The following ATP1A4 variants were observed in gnomAD, a reference collection of about 807,000 sequenced individuals.
ATP1A4 encodes the protein ATPase Na+/K+ transporting subunit alpha 4.
Under a neutral mutation model 114.3 loss-of-function variants are expected in ATP1A4, and 90 were observed. The ratio of observed to expected loss-of-function variants is 0.79; its 90% CI spans 0.66 to 0.94. ATP1A4 has a LOEUF of 0.94. Among genes scored for constraint, ATP1A4 ranks in the 40% least tolerant of loss-of-function variants. ATP1A4 has a pLI of 0.00. For missense variants in ATP1A4, 1,222 were observed against 1,313.6 expected (o/e 0.93, Z 1.08); for synonymous variants, 511 against 494.1 (o/e 1.03, Z -0.45).
chr1:160,184,553 A>G (rs1329504972), intron 20 of ATP1A4, among the ~76,000 whole-genome samples: 1 of 152,176 alleles, frequency 6.6e-6, no homozygotes, highest in Non-Finnish European at 1.5e-5. Flanking sequence ...TCTCTAAAAA[A>G]AACATTAAAT....
Position 160,159,408 on chromosome 1 carries a change from G to C in ATP1A4, c.661-1G>C. On this transcript the variant is annotated splice_acceptor_variant, in intron 5 of 21. Transcript: ENST00000368081. LOFTEE classifies it high-confidence loss of function. ...ACAACGCGTCCCCTCTCCCATCCCA[G>C]GTGGACAACTCATCCTTGACTGGGG... The C allele has an allele frequency of 6.2e-7, 1 of 1,608,362 alleles. No individual in the cohort carries two copies. The highest frequency in any genetic ancestry group is 8.5e-7 in the Non-Finnish European group (1 of 1,178,156).
chr1:160,166,011 T>C (rs1653016165), intron 7 of ATP1A4, among the ~76,000 whole-genome samples: 1 of 152,178 alleles, frequency 6.6e-6, no homozygotes, highest in South Asian at 2.1e-4. Flanking sequence ...GGCTCACATC[T>C]ATAATCCCAG....
At chr1:160,186,446 C>A in intron 21 of ATP1A4, 79 bp downstream of exon 21, 1 of 1,214,200 alleles carries the variant, frequency 8.2e-7, no homozygotes, top group Non-Finnish European at 1.2e-6. Flanking sequence ...CTAGTCCCTC[C>A]AGACCCACCA....
chr1:160,184,474 G>A (rs998541131), intron 20 of ATP1A4, among the ~76,000 whole-genome samples: 3 of 152,012 alleles, frequency 2.0e-5, no homozygotes, highest in Non-Finnish European at 2.9e-5. Flanking sequence ...TTGAGCCCAG[G>A]AGTTCAAGAC....
Position 160,179,144 on chromosome 1 carries a change from T to C in ATP1A4, c.2736+1480T>C, listed in dbSNP as rs1332259074. Among the ~76,000 whole-genome samples, 5 of 152,194 alleles carry C rather than the reference T, an allele frequency of 3.3e-5. No individual in the cohort carries two copies. In the South Asian group the frequency reaches 8.3e-4, roughly 25 times the overall value. On this transcript the variant is annotated intron_variant, in intron 18 of 21. Transcript: ENST00000368081. Reference sequence around the variant, plus strand: ...AGCCAATTGCAGGTTTCTCAAATTGTGTTCAAATCTGAATTGTTGGGAAGG... The same window carrying C: ...AGCCAATTGCAGGTTTCTCAAATTGCGTTCAAATCTGAATTGTTGGGAAGG...
At position 160,178,380 on chromosome 1, in the gene ATP1A4, T is replaced by TAA. The variant is rs1653563910; in HGVS notation, c.2736+719_2736+720dup. Among the ~76,000 whole-genome samples, 3 of 117,822 alleles carry TAA rather than the reference T, an allele frequency of 2.5e-5. No homozygotes were observed. In the South Asian group the frequency reaches 7.7e-4, roughly 30 times the overall value. The allele number at this position is 117,822 out of a possible 152,430, so 77.3% of individuals were successfully genotyped here. ...CAAAAAATAAATAAATAAATAAATA[T>TAA]AAAATTTGAAAACCAGCTGGGCACA... On this transcript the variant is annotated intron_variant, in intron 18 of 21. Coordinates refer to ENST00000368081, the MANE Select transcript of ATP1A4 (RefSeq NM_144699.4).
intron 5 of ATP1A4, 64 bp downstream of exon 5, chr1:160,159,200 G>A: frequency 1.3e-6 from 2 of 1,567,496 alleles, no homozygotes; most frequent in South Asian, 1.2e-5. Flanking sequence ...GTAGACACCT[G>A]GGCCGTTAGA....
At chr1:160,175,119 G>T (rs538725984) in intron 15 of ATP1A4, among the ~76,000 whole-genome samples, 1 of 152,202 alleles carries the variant, frequency 6.6e-6, no homozygotes, top group Admixed American at 6.5e-5. Context: ...CTTTAGGAGG[G>T]TCCCCTAGGA....
In ATP1A4 at chr1:160,176,224, G is replaced by T; in HGVS notation, c.2444G>T (p.Cys815Phe). Residue 815 changes from cysteine (C) to phenylalanine (F), a missense_variant, in exon 16 of 22, where the codon TGC (cysteine) becomes TTC (phenylalanine). By Grantham distance (205) the Cys-to-Phe change is radical. Coordinates refer to ENST00000368081, the MANE Select transcript of ATP1A4 (RefSeq NM_144699.4). ...CCTCTGGGAACCATAACCATCCTCTGCATTGATCTCGGCACTGACATGGTA... is the reference window on the plus strand; with the variant it reads ...CCTCTGGGAACCATAACCATCCTCTTCATTGATCTCGGCACTGACATGGTA... ...PLPLGTITIL[C>F]IDLGTDMVPA... The T allele has an allele frequency of 3.7e-6, 6 of 1,614,072 alleles. No individual in the cohort carries two copies. The highest frequency in any genetic ancestry group is 5.1e-6 in the Non-Finnish European group (6 of 1,180,022).
At chr1:160,181,909 C>T (rs1486726392) in intron 19 of ATP1A4, 21 bp from the exon 20 acceptor site, 17 of 1,613,544 alleles carry the variant, frequency 1.1e-5, no homozygotes, top group Middle Eastern at 1.6e-4. Flanking sequence ...CCCCGCCACA[C>T]CCATGAATGT....
chr1:160,158,946 A>T lies in ATP1A4; in HGVS notation c.526-56A>T, dbSNP rs150133337. The T allele has an allele frequency of 1.7e-4, 268 of 1,577,820 alleles. 2 individuals are homozygous for T. Among genetic ancestry groups the T allele is most frequent in the South Asian group, 1.7e-3 (144 of 84,932 alleles). On this transcript the variant is annotated intron_variant, in intron 4 of 21. Coordinates refer to ENST00000368081, the MANE Select transcript of ATP1A4 (RefSeq NM_144699.4). ...CAATAACAGAAGGTTTTAGGCTAAGAGTGGGATGAGGAAAGCCAAAAGTTT... is the reference window on the plus strand; with the variant it reads ...CAATAACAGAAGGTTTTAGGCTAAGTGTGGGATGAGGAAAGCCAAAAGTTT...
At position 160,177,281 on chromosome 1, in the gene ATP1A4, G is replaced by T. The variant is rs1571032100; in HGVS notation, c.2591-238G>T. 4 of 473,632 alleles carry T rather than the reference G, an allele frequency of 8.4e-6. No individual in the cohort carries two copies. The East Asian group carries it at 1.3e-4, about 16-fold the overall frequency. The allele number at this position is 473,632 out of a possible 1,614,324, so 29.3% of individuals were successfully genotyped here. ...GTCCTTTTTAGTTTTAAGACCATGT[G>T]ATTCAAAGCTGACTCTGGGTCAGAG... On this transcript the variant is annotated intron_variant, in intron 17 of 21. Coordinates refer to ENST00000368081, the MANE Select transcript of ATP1A4 (RefSeq NM_144699.4).
At chr1:160,170,443 A>T (rs1282624434) in intron 10 of ATP1A4, 1 of 152,516 alleles carries the variant, frequency 6.6e-6, no homozygotes, top group African/African-American at 2.4e-5. Context: ...AAAACAAAAC[A>T]CAACAAAAAA....
rs867969835 is a variant in ATP1A4, at chr1:160,151,889, C to T, written c.-152C>T. On this transcript the variant is annotated 5_prime_UTR_variant, in exon 1 of 22. Transcript: ENST00000368081. The stretch of plus-strand genomic sequence containing the variant: ...CTCACCTTCACCACCCAACACCTCC[C>T]TCCCTGCCTCTTTCTTTCTGCTCCC... The T allele has an allele frequency of 2.6e-4, 215 of 830,310 alleles. No individual in the cohort carries two copies. Among genetic ancestry groups the T allele is most frequent in the Middle Eastern group, 1.8e-3 (5 of 2,764 alleles). 51.4% of individuals were successfully genotyped at this position (830,310 alleles called of 1,614,324 possible). A position where few individuals can be genotyped will look rare whatever the true frequency, so the allele number is the denominator to read the frequency against.
At position 160,176,208 on chromosome 1, in the gene ATP1A4, AC is replaced by A; in HGVS notation, c.2430del (p.Ile811Ter). On this transcript the variant is annotated frameshift_variant, in exon 16 of 22. Coordinates refer to ENST00000368081, the MANE Select transcript of ATP1A4 (RefSeq NM_144699.4). LOFTEE classifies it high-confidence loss of function. ...IILGIPLPLG[T>X]ITILCIDLGT... is the part of the protein sequence containing the mutation. Reference sequence around the variant, plus strand: ...CCTCGGTATACCCCTGCCTCTGGGAACCATAACCATCCTCTGCATTGATCTC... The same window carrying A: ...CCTCGGTATACCCCTGCCTCTGGGAACATAACCATCCTCTGCATTGATCTC... 2 of 1,614,066 alleles carry A rather than the reference AC, an allele frequency of 1.2e-6. No individual in the cohort carries two copies. The highest frequency in any genetic ancestry group is 1.7e-6 in the Non-Finnish European group (2 of 1,179,990).
intron 15 of ATP1A4, 30 bp downstream of exon 15, chr1:160,174,777 C>T: frequency 6.2e-7 from 1 of 1,612,924 alleles, no homozygotes; most frequent in Non-Finnish European, 8.5e-7. Context: ...ATGGTGGAGA[C>T]TTCAACCCTG....
At position 160,160,273 on chromosome 1, in the gene ATP1A4, G is replaced by A. The variant is rs190465080; in HGVS notation, c.778+747G>A. 1.8e-3 allele frequency among the ~76,000 whole-genome samples: 267 copies of A among 152,302 alleles called. 2 individuals carry two copies. Among genetic ancestry groups the A allele is most frequent in the African/African-American group, 6.1e-3 (255 of 41,568 alleles). The stretch of plus-strand genomic sequence containing the variant: ...TCTCTGTTGCTCAGGCTGGAATGCA[G>A]TGGTGTGATCTCAGCTCACTGCAAC... On this transcript the variant is annotated intron_variant, in intron 6 of 21. Transcript: ENST00000368081.
At chr1:160,169,056 A>C (rs1653144646) in intron 10 of ATP1A4, among the ~76,000 whole-genome samples, 1 of 152,260 alleles carries the variant, frequency 6.6e-6, no homozygotes, top group African/African-American at 2.4e-5. Context: ...CCGAGCTACC[A>C]AACATGCGGC....
chr1:160,159,701 C>A (rs1172753785), intron 6 of ATP1A4, among the ~76,000 whole-genome samples, 175 bp downstream of exon 6: 1 of 152,192 alleles, frequency 6.6e-6, no homozygotes, highest in East Asian at 1.9e-4. Flanking sequence ...TCCACATTCG[C>A]ACAGTGATGA....
Sources: gnomAD v4.1 joint callset for allele counts (sites outside exome capture counted in the v4.1 genomes callset) on GRCh38, gnomAD v4.1.1 for gene constraint, MANE v1.5 for transcripts, NCBI Gene and HGNC (gene_info 2026-07-23, HGNC 2026-07-21) for gene names.